Variants in FSTL5 observed in about 807,000 individuals in gnomAD.
FSTL5 encodes follistatin like 5, also known as follistatin-related protein 5.
In FSTL5, 62 loss-of-function variants were observed where a neutral mutation model predicts 89.1. The observed-to-expected ratio is 0.70, with a 90% confidence interval of 0.57 to 0.86. FSTL5 has a LOEUF of 0.86. Ranked by LOEUF, FSTL5 falls within the 40% of genes least tolerant of loss-of-function variation. The probability of loss-of-function intolerance (pLI) is 0.00; values close to 1 mark genes in which losing one functional copy is unlikely to be tolerated. For synonymous variants in FSTL5, 383 were observed against 346.2 expected (o/e 1.11, Z -1.18); for missense variants, 1,057 against 1,001.6 (o/e 1.06, Z -0.75).
At chr4:161,479,943 A>AATGG (rs559940318) in intron 13 of FSTL5, among the ~76,000 whole-genome samples, 59 of 152,140 alleles carry the variant, frequency 3.9e-4, no homozygotes, top group African/African-American at 1.1e-3. Flanking sequence ...TGGGTGAGTG[A>AATGG]ATGGATGGAT....
intron 8 of FSTL5, among the ~76,000 whole-genome samples, chr4:161,585,890 A>G (rs1733597946): frequency 6.6e-6 from 1 of 152,182 alleles, no homozygotes; most frequent in Non-Finnish European, 1.5e-5. Context: ...GCCACTGGAA[A>G]CACCATGAAT....
intron 2 of FSTL5, 140 bp downstream of exon 2, chr4:162,111,131 T>G (rs560787802): frequency 3.1e-6 from 2 of 643,744 alleles, no homozygotes; most frequent in Admixed American, 3.0e-5. Context: ...TGTATTAAAA[T>G]GTGCATTTTA....
chr4:161,453,307 G>A (rs536903981), intron 15 of FSTL5, among the ~76,000 whole-genome samples: 112 of 152,106 alleles, frequency 7.4e-4, no homozygotes, highest in Non-Finnish European at 1.3e-3. Flanking sequence ...TAAAAACAAA[G>A]GTTACATATC....
chr4:161,590,987 A>C (rs1733800587), intron 7 of FSTL5, among the ~76,000 whole-genome samples: 1 of 152,230 alleles, frequency 6.6e-6, no homozygotes, highest in Non-Finnish European at 1.5e-5. Context: ...GCATAGCTAT[A>C]TTTATTAGTC....
At chr4:162,121,828 T>A (rs1339793572) in intron 1 of FSTL5, among the ~76,000 whole-genome samples, 1 of 152,042 alleles carries the variant, frequency 6.6e-6, no homozygotes, top group Non-Finnish European at 1.5e-5. Flanking sequence ...AACCAACCTC[T>A]CTTCTTCTTC....
At chr4:161,721,759 C>T (rs531438470) in intron 6 of FSTL5, among the ~76,000 whole-genome samples, 24 of 152,188 alleles carry the variant, frequency 1.6e-4, no homozygotes, top group Non-Finnish European at 3.4e-4. Context: ...ATTAAAGTCA[C>T]CGTCCCATAT....
chr4:161,572,317 C>CA (rs1733044043), intron 8 of FSTL5, among the ~76,000 whole-genome samples: 2 of 54,248 alleles, frequency 3.7e-5, no homozygotes, highest in Admixed American at 3.1e-4. Flanking sequence ...GAGACTCCGT[C>CA]TAAAAAAAAA....
chr4:161,977,627 AAAAAAAAAAAAAAAT>A (rs1311696728), intron 3 of FSTL5, among the ~76,000 whole-genome samples: 8 of 92,326 alleles, frequency 8.7e-5, no homozygotes, highest in African/African-American at 3.1e-4. Flanking sequence ...AAAAAAAAAA[AAAAAAAAAAAAAAAT>A]AATAATAATA....
At chr4:161,980,178 AGAG>A (rs1735780280) in intron 3 of FSTL5, among the ~76,000 whole-genome samples, 1 of 151,096 alleles carries the variant, frequency 6.6e-6, no homozygotes, top group Non-Finnish European at 1.5e-5. Context: ...AAAAAGAAAG[AGAG>A]GAGGAGACAA....
At chr4:161,851,618 C>T (rs1731552014) in intron 4 of FSTL5, among the ~76,000 whole-genome samples, 1 of 151,674 alleles carries the variant, frequency 6.6e-6, no homozygotes, top group Non-Finnish European at 1.5e-5. Context: ...TATATTTTGC[C>T]ACATCTGAAA....
intron 8 of FSTL5, among the ~76,000 whole-genome samples, chr4:161,550,357 T>C (rs1009573627): frequency 6.6e-6 from 1 of 151,898 alleles, no homozygotes; most frequent in African/African-American, 2.4e-5. Context: ...AAATGAATTT[T>C]TTTGAAATAC....
chr4:161,779,214 T>C (rs972299353), intron 4 of FSTL5, among the ~76,000 whole-genome samples: 4 of 152,194 alleles, frequency 2.6e-5, no homozygotes, highest in Non-Finnish European at 5.9e-5. Context: ...CCCCAAATTG[T>C]TGTAAATTTC....
chr4:161,950,481 C>T (rs1211608482), intron 3 of FSTL5, among the ~76,000 whole-genome samples: 2 of 152,142 alleles, frequency 1.3e-5, no homozygotes, highest in South Asian at 2.1e-4. Context: ...ATATCCTTGG[C>T]GCTGCAGTGC....
chr4:161,559,653 T>G (rs1732518745), intron 8 of FSTL5, among the ~76,000 whole-genome samples: 1 of 151,936 alleles, frequency 6.6e-6, no homozygotes, highest in African/African-American at 2.4e-5. Flanking sequence ...CTGTTAATGG[T>G]TTCTCATGCA....
At chr4:161,708,496 G>A (rs1173510003) in intron 6 of FSTL5, among the ~76,000 whole-genome samples, 1 of 151,942 alleles carries the variant, frequency 6.6e-6, no homozygotes, top group Non-Finnish European at 1.5e-5. Flanking sequence ...CTGTGAGTCA[G>A]GGGAAAACAG....
chr4:161,618,647 A>T (rs184851514), intron 7 of FSTL5, among the ~76,000 whole-genome samples: 94 of 152,280 alleles, frequency 6.2e-4, no homozygotes, highest in African/African-American at 2.1e-3. Context: ...CATATATTGA[A>T]CTAGCTTTGT....
intron 5 of FSTL5, among the ~76,000 whole-genome samples, chr4:161,763,097 T>C (rs1740864763): frequency 6.6e-6 from 1 of 152,172 alleles, no homozygotes; most frequent in African/African-American, 2.4e-5. Context: ...ACTATTCTCT[T>C]TACTGTTTTT....
At chr4:161,536,571 T>C (rs982808032) in intron 10 of FSTL5, among the ~76,000 whole-genome samples, 1 of 152,140 alleles carries the variant, frequency 6.6e-6, no homozygotes, top group Non-Finnish European at 1.5e-5. Flanking sequence ...GTTTACTTAT[T>C]TAGTATTGTC....
chr4:162,066,343 T>G (rs867980086), intron 2 of FSTL5, among the ~76,000 whole-genome samples: 1 of 132,878 alleles, frequency 7.5e-6, no homozygotes, highest in Non-Finnish European at 1.5e-5. Context: ...TTCTTCTTCT[T>G]CTTCTTCTTC....
Sources: allele counts gnomAD v4.1 joint callset (sites outside exome capture counted in the v4.1 genomes callset), GRCh38; gene constraint gnomAD v4.1.1; transcripts MANE v1.5; gene names NCBI Gene and HGNC (gene_info 2026-07-23, HGNC 2026-07-21).